HSD3B1: variants seen among roughly 807,000 people sequenced by gnomAD.
HSD3B1 encodes hydroxy-delta-5-steroid dehydrogenase, 3 beta- and steroid delta-isomerase 1, also known as 3 beta-hydroxysteroid dehydrogenase/Delta 5-->4-isomerase type 1.
In HSD3B1, 11 loss-of-function variants were observed where a neutral mutation model predicts 10.4. The ratio of observed to expected loss-of-function variants is 1.05; its 90% CI spans 0.66 to 1.75. HSD3B1 has a LOEUF of 1.75. Among genes scored for constraint, HSD3B1 ranks in the 40% most tolerant of loss-of-function variants. The pLI is 0.00. For synonymous variants in HSD3B1, 217 were observed against 185.4 expected (o/e 1.17, Z -1.39); for missense variants, 490 against 454.5 (o/e 1.08, Z -0.71).
intron 2 of HSD3B1, chr1:119,507,985 A>G (rs587594327): frequency 4.1e-6 from 1 of 241,906 alleles, no homozygotes; most frequent in South Asian, 5.5e-5. Flanking sequence ...CATAAAGGAC[A>G]CTATTACCCT....
At chr1:119,508,596 G>A (rs1653854659) in intron 2 of HSD3B1, among the ~76,000 whole-genome samples, 1 of 152,184 alleles carries the variant, frequency 6.6e-6, no homozygotes, top group South Asian at 2.1e-4. Flanking sequence ...TTATCCATAG[G>A]CTATTTCACC....
chr1:119,511,558 A>G lies in HSD3B1; in HGVS notation c.201A>G (p.Pro67=). 4 of 1,613,798 alleles carry G rather than the reference A, an allele frequency of 2.5e-6. No individual in the cohort carries two copies. The highest frequency in any genetic ancestry group is 3.4e-6 in the Non-Finnish European group (4 of 1,179,776). ...TGGAAGGAGACATTCTGGATGAGCCATTCCTGAAGAGAGCCTGCCAGGACG... is the reference window on the plus strand; with the variant it reads ...TGGAAGGAGACATTCTGGATGAGCCGTTCCTGAAGAGAGCCTGCCAGGACG... ...TVLEGDILDE[P]FLKRACQDVS... is the part of the protein sequence containing the mutation. The change falls in exon 3 of 4, where the codon CCA becomes CCG. Residue 67 remains proline (P), a synonymous_variant. Coordinates refer to ENST00000369413, the MANE Select transcript of HSD3B1 (RefSeq NM_000862.3).
rs1369562521 is a variant in HSD3B1, at chr1:119,514,548, C to T, written c.1025C>T (p.Pro342Leu). 1 of 1,613,804 alleles carries T rather than the reference C, an allele frequency of 6.2e-7. No homozygotes were observed. The highest frequency in any genetic ancestry group is 1.3e-5 in the African/African-American group (1 of 74,842). ...KKAQRDLAYK[P>L]LYSWEEAKQK... ...GCTCAGCGAGATCTGGCGTATAAGC[C>T]ACTCTACAGCTGGGAGGAAGCCAAG... is the stretch of plus-strand genomic sequence containing the variant. Residue 342 changes from proline to leucine, a missense_variant, in exon 4 of 4, where the codon CCA (proline) becomes CTA (leucine). Physicochemically the swap from Pro to Leu is moderately conservative, Grantham distance 98. Transcript: ENST00000369413.
intron 3 of HSD3B1, among the ~76,000 whole-genome samples, chr1:119,513,350 T>C (rs1275547058): frequency 1.3e-5 from 2 of 152,212 alleles, no homozygotes; most frequent in Non-Finnish European, 2.9e-5. Context: ...AGAGTTTATA[T>C]TGCCTATATA....
Position 119,514,372 on chromosome 1 carries a change from A to T in HSD3B1, c.849A>T (p.Arg283Ser). 6.2e-7 allele frequency: 1 copy of T among 1,614,132 alleles called. No homozygotes were observed. The highest frequency in any genetic ancestry group is 1.1e-5 in the South Asian group (1 of 91,086). The part of the protein sequence containing the change: ...SKEFGLRLDS[R>S]WSFPLSLMYW... ...AGTTCGGCCTCCGCCTTGATTCCAG[A>T]TGGAGCTTTCCTTTATCCCTGATGT... Residue 283 changes from arginine to serine, a missense_variant, in exon 4 of 4, where the codon AGA (arginine) becomes AGT (serine). Physicochemically the swap from Arg to Ser is moderately radical, Grantham distance 110 (BLOSUM62 -1). Transcript: ENST00000369413.
rs587749307 is a variant in HSD3B1 at position 119,511,608 on chromosome 1, G to A, written c.251G>A (p.Cys84Tyr). Residue 84 changes from cysteine to tyrosine, a missense_variant, in exon 3 of 4, where the codon TGT becomes TAT. Physicochemically the swap from Cys to Tyr is radical, Grantham distance 194. Coordinates refer to ENST00000369413, the MANE Select transcript of HSD3B1 (RefSeq NM_000862.3). ...GTCTCGGTCATCATCCACACCGCCT[G>A]TATCATTGATGTCTTCGGTGTCACT... Reference protein sequence around the residue: ...QDVSVIIHTACIIDVFGVTHR... With the variant: ...QDVSVIIHTAYIIDVFGVTHR... 1.9e-6 allele frequency: 3 copies of A among 1,613,680 alleles called. No homozygotes were observed. The highest frequency in any genetic ancestry group is 4.5e-5 in the East Asian group (2 of 44,870).
In HSD3B1 at chr1:119,514,272, G is replaced by T. The variant is rs772688126; in HGVS notation, c.749G>T (p.Arg250Leu). 1.9e-6 allele frequency: 3 copies of T among 1,614,090 alleles called. No individual in the cohort carries two copies. The highest frequency in any genetic ancestry group is 2.5e-6 in the Non-Finnish European group (3 of 1,180,016). ...GACCCCAAGAAGGCCCCAAGCATCC[G>T]AGGACAGTTCTACTATATCTCAGAT... ...LQDPKKAPSIRGQFYYISDDT... is the reference protein window; with the variant it reads ...LQDPKKAPSILGQFYYISDDT... The change falls in exon 4 of 4, where the codon CGA becomes CTA. Residue 250 changes from arginine (R) to leucine (L), a missense_variant. By Grantham distance (102) the Arg-to-Leu change is moderately radical. Coordinates refer to ENST00000369413, the MANE Select transcript of HSD3B1 (RefSeq NM_000862.3).
rs111289383 is a variant in HSD3B1 at position 119,511,768 on chromosome 1, C to T, written c.310+101C>T. Reference sequence around the variant, plus strand: ...GTCCCTCCACTGAACACCTGCTGTGCTCTGGGCCAAGTGCCTTTGCTGATC... The same window carrying T: ...GTCCCTCCACTGAACACCTGCTGTGTTCTGGGCCAAGTGCCTTTGCTGATC... On this transcript the variant is annotated intron_variant, in intron 3 of 3. Transcript: ENST00000369413. 21 of 1,172,200 alleles carry T rather than the reference C, an allele frequency of 1.8e-5. 1 individual carries two copies. The African/African-American group carries it at 2.4e-4, about 13-fold the overall frequency. 72.6% of individuals were successfully genotyped at this position (1,172,200 alleles called of 1,614,324 possible). A position where few individuals can be genotyped will look rare whatever the true frequency, so the allele number is the denominator to read the frequency against.
Position 119,511,575 on chromosome 1 carries a change from G to A in HSD3B1, c.218G>A (p.Cys73Tyr), listed in dbSNP as rs541042731. 6.2e-7 allele frequency: 1 copy of A among 1,613,548 alleles called. No homozygotes were observed. The highest frequency in any genetic ancestry group is 1.3e-5 in the African/African-American group (1 of 74,876). Residue 73 changes from cysteine to tyrosine, a missense_variant, in exon 3 of 4, where the codon TGC becomes TAC. Coordinates refer to ENST00000369413, the MANE Select transcript of HSD3B1 (RefSeq NM_000862.3). ...ILDEPFLKRACQDVSVIIHTA... is the reference protein window; with the variant it reads ...ILDEPFLKRAYQDVSVIIHTA... ...GATGAGCCATTCCTGAAGAGAGCCTGCCAGGACGTCTCGGTCATCATCCAC... is the reference window on the plus strand; with the variant it reads ...GATGAGCCATTCCTGAAGAGAGCCTACCAGGACGTCTCGGTCATCATCCAC...
Position 119,514,346 on chromosome 1 carries a change from G to A in HSD3B1, c.823G>A (p.Glu275Lys). The change falls in exon 4 of 4, where the codon GAG (glutamate) becomes AAG (lysine). Residue 275 changes from glutamate to lysine, a missense_variant. By Grantham distance (56) the Glu-to-Lys change is moderately conservative. Transcript: ENST00000369413. ...TAACCTTAATTACACCCTGAGCAAA[G>A]AGTTCGGCCTCCGCCTTGATTCCAG... ...YDNLNYTLSK[E>K]FGLRLDSRWS... The A allele has an allele frequency of 6.2e-7, 1 of 1,614,150 alleles. No individual in the cohort carries two copies. The highest frequency in any genetic ancestry group is 8.5e-7 in the Non-Finnish European group (1 of 1,180,028).
Position 119,507,547 on chromosome 1 carries a change from T to G in HSD3B1, c.71T>G (p.Val24Gly). Residue 24 changes from valine (V) to glycine (G), a missense_variant, in exon 2 of 4, where the codon GTG (valine) becomes GGG (glycine). Transcript: ENST00000369413. ...FLGQRIIRLL[V>G]KEKELKEIRV... ...GGACAGAGGATCATCCGCCTCTTGG[T>G]GAAGGAGAAGGAGCTGAAGGAGATC... 6.2e-7 allele frequency: 1 copy of G among 1,613,914 alleles called. No homozygotes were observed. The highest frequency in any genetic ancestry group is 8.5e-7 in the Non-Finnish European group (1 of 1,179,926).
chr1:119,514,816 A>C lies in HSD3B1; in HGVS notation c.*171A>C. Reference sequence around the variant, plus strand: ...TCATGTCATCAAAACCTGCGCAGTCATTGGCCCAACAAGAAGGTTTCTGTC... The same window carrying C: ...TCATGTCATCAAAACCTGCGCAGTCCTTGGCCCAACAAGAAGGTTTCTGTC... On this transcript the variant is annotated 3_prime_UTR_variant, in exon 4 of 4. Coordinates refer to ENST00000369413, the MANE Select transcript of HSD3B1 (RefSeq NM_000862.3). The C allele has an allele frequency of 1.4e-6, 1 of 715,884 alleles. No homozygotes were observed. The highest frequency in any genetic ancestry group is 1.8e-5 in the African/African-American group (1 of 56,694). The allele number at this position is 715,884 out of a possible 1,614,324, so 44.3% of individuals were successfully genotyped here. A position where few individuals can be genotyped will look rare whatever the true frequency, so the allele number is the denominator to read the frequency against.
At chr1:119,511,358 AC>A in intron 2 of HSD3B1, 144 bp from the exon 3 acceptor site, 4 of 722,526 alleles carry the variant, frequency 5.5e-6, no homozygotes, top group Non-Finnish European at 9.4e-6. Flanking sequence ...TGCCTTTTTT[AC>A]TTGTTCTTTC....
chr1:119,507,670 T>A, intron 2 of HSD3B1, 49 bp downstream of exon 2: 1 of 1,588,306 alleles, frequency 6.3e-7, no homozygotes, highest in Non-Finnish European at 8.6e-7. Context: ...AAACACTGCA[T>A]GTATGTGGGG....
At position 119,514,684 on chromosome 1, in the gene HSD3B1, G is replaced by C; in HGVS notation, c.*39G>C. 6.2e-7 allele frequency: 1 copy of C among 1,603,294 alleles called. No individual in the cohort carries two copies. The highest frequency in any genetic ancestry group is 8.5e-7 in the Non-Finnish European group (1 of 1,174,052). ...GAGATGTGCATGTGGGTATTGTTAGGAGATGTCATCAAGCTCCACCCTCCT... is the reference window on the plus strand; with the variant it reads ...GAGATGTGCATGTGGGTATTGTTAGCAGATGTCATCAAGCTCCACCCTCCT... On this transcript the variant is annotated 3_prime_UTR_variant, in exon 4 of 4. Transcript: ENST00000369413.
rs1654058147 is a variant in HSD3B1, at chr1:119,514,653, A to G, written c.*8A>G. On this transcript the variant is annotated 3_prime_UTR_variant, in exon 4 of 4. Coordinates refer to ENST00000369413, the MANE Select transcript of HSD3B1 (RefSeq NM_000862.3). ...AAGTCCAAGACTCAGTGATTTAAGGATGACAGAGATGTGCATGTGGGTATT... is the reference window on the plus strand; with the variant it reads ...AAGTCCAAGACTCAGTGATTTAAGGGTGACAGAGATGTGCATGTGGGTATT... 6.2e-7 allele frequency: 1 copy of G among 1,612,908 alleles called. No individual in the cohort carries two copies. The highest frequency in any genetic ancestry group is 1.3e-5 in the African/African-American group (1 of 74,856).
At chr1:119,513,778 G>A (rs6673653) in intron 3 of HSD3B1, 56 bp from the exon 4 acceptor site, 16,863 of 1,542,444 alleles carry the variant, frequency 0.011, 644 homozygotes, top group African/African-American at 0.1. Flanking sequence ...CTGTGTTCGT[G>A]GTTGGCACCT....
chr1:119,510,798 G>A (rs943533271), intron 2 of HSD3B1, among the ~76,000 whole-genome samples: 1 of 128,494 alleles, frequency 7.8e-6, no homozygotes, highest in Non-Finnish European at 1.6e-5. Flanking sequence ...AGAGTGCAGA[G>A]GTGTGATCTT....
intron 2 of HSD3B1, among the ~76,000 whole-genome samples, chr1:119,510,689 CT>C (rs1014254556): frequency 1.2e-5 from 1 of 80,324 alleles, no homozygotes; most frequent in Non-Finnish European, 3.0e-5. Context: ...GCTTTTGTTC[CT>C]TTTTTTGTTG....
Sources: gnomAD v4.1 joint callset for allele counts (sites outside exome capture counted in the v4.1 genomes callset) on GRCh38, gnomAD v4.1.1 for gene constraint, MANE v1.5 for transcripts, NCBI Gene and HGNC (gene_info 2026-07-23, HGNC 2026-07-21) for gene names.